The following TRPC4 variants were observed in gnomAD, a reference collection of about 807,000 sequenced individuals.
TRPC4 encodes the protein transient receptor potential cation channel subfamily C member 4.
Under a neutral mutation model 99.4 loss-of-function variants are expected in TRPC4, and 49 were observed. The observed-to-expected ratio is 0.49, with a 90% CI of 0.39 to 0.63. The LOEUF (loss-of-function observed/expected upper bound fraction) is 0.63, where lower values mean the gene tolerates loss of function less well. Ranked by LOEUF, TRPC4 falls within the 20% of genes least tolerant of loss-of-function variation. TRPC4 has a pLI of 0.00. For missense variants in TRPC4, 898 were observed against 1,152.9 expected (o/e 0.78, Z 3.20); for synonymous variants, 454 against 425.9 (o/e 1.07, Z -0.81).
intron 2 of TRPC4, among the ~76,000 whole-genome samples, chr13:37,755,934 A>G (rs1361048223): frequency 6.6e-6 from 1 of 152,116 alleles, no homozygotes; most frequent in Non-Finnish European, 1.5e-5. Context: ...TGTGTTTAGC[A>G]TCATTGTTTT....
chr13:37,846,276 A>G (rs1958896017), intron 1 of TRPC4, among the ~76,000 whole-genome samples: 1 of 152,182 alleles, frequency 6.6e-6, no homozygotes, highest in Non-Finnish European at 1.5e-5. Context: ...ATATGTGGTC[A>G]TACTCAGAAT....
At chr13:37,775,462 C>T (rs1333370) in intron 2 of TRPC4, among the ~76,000 whole-genome samples, 67,577 of 149,748 alleles carry the variant, frequency 0.45, 15,558 homozygotes, top group Middle Eastern at 0.51. Flanking sequence ...GTTTGTTACA[C>T]AGGTAAACGT....
intron 3 of TRPC4, among the ~76,000 whole-genome samples, chr13:37,708,801 A>G (rs1307956359): frequency 1.3e-5 from 2 of 151,416 alleles, no homozygotes; most frequent in African/African-American, 4.8e-5. Context: ...TTGAAAGTAA[A>G]AAGTAAAAGT....
chr13:37,641,153 T>G (rs1249512144), intron 8 of TRPC4, among the ~76,000 whole-genome samples: 2 of 152,154 alleles, frequency 1.3e-5, no homozygotes, highest in Non-Finnish European at 2.9e-5. Context: ...TTCAGTAGAA[T>G]CTTACTCATC....
chr13:37,645,662 A>T (rs1037147055), intron 8 of TRPC4, among the ~76,000 whole-genome samples: 6 of 152,178 alleles, frequency 3.9e-5, no homozygotes, highest in Non-Finnish European at 7.4e-5. Context: ...TTACAAAAAA[A>T]TTGCAGTTTG....
intron 1 of TRPC4, among the ~76,000 whole-genome samples, chr13:37,816,974 C>G (rs1329801967): frequency 1.3e-5 from 2 of 152,028 alleles, no homozygotes; most frequent in Non-Finnish European, 1.5e-5. Context: ...GACAAGGATG[C>G]CTTCTCTCAC....
chr13:37,664,642 G>A (rs1952576348), intron 5 of TRPC4, among the ~76,000 whole-genome samples: 1 of 152,072 alleles, frequency 6.6e-6, no homozygotes, highest in Non-Finnish European at 1.5e-5. Context: ...AATTAAATCT[G>A]TATTAGAACT....
chr13:37,733,811 A>G (rs1955312935), intron 3 of TRPC4, among the ~76,000 whole-genome samples: 1 of 152,200 alleles, frequency 6.6e-6, no homozygotes, highest in Non-Finnish European at 1.5e-5. Context: ...TGACACTTAG[A>G]TACGGGTGGA....
At chr13:37,817,669 G>T (rs778907107) in intron 1 of TRPC4, among the ~76,000 whole-genome samples, 6 of 151,802 alleles carry the variant, frequency 4.0e-5, no homozygotes, top group Non-Finnish European at 8.8e-5. Context: ...AAACAGCATA[G>T]TACTGCTACA....
At chr13:37,675,832 C>A (rs1335308048) in intron 4 of TRPC4, among the ~76,000 whole-genome samples, 1 of 152,148 alleles carries the variant, frequency 6.6e-6, no homozygotes. Context: ...AGTTTTCCTG[C>A]CCTCCATCAC....
At chr13:37,780,724 C>T (rs1180503887) in intron 2 of TRPC4, among the ~76,000 whole-genome samples, 1 of 151,022 alleles carries the variant, frequency 6.6e-6, no homozygotes, top group Non-Finnish European at 1.5e-5. Flanking sequence ...TCTTTGTGTG[C>T]TATGCACGTT....
intron 1 of TRPC4, among the ~76,000 whole-genome samples, chr13:37,858,559 T>C (rs541281705): frequency 6.6e-6 from 1 of 151,666 alleles, no homozygotes; most frequent in African/African-American, 2.4e-5. Flanking sequence ...ATAAAGAAAA[T>C]GTGGTACATA....
rs1019718422 is a variant in TRPC4, at chr13:37,803,412, AT to A, written c.-27-20053del. ...ACTCACCCACATATAGAGACACATTATTTTTTTTCCCATCTATTTGTGCACA... is the reference window on the plus strand; with the variant it reads ...ACTCACCCACATATAGAGACACATTATTTTTTTCCCATCTATTTGTGCACA... On this transcript the variant is annotated intron_variant, in intron 1 of 10. Transcript: ENST00000379705. Among the ~76,000 whole-genome samples, 920 of 151,590 alleles carry A rather than the reference AT, an allele frequency of 6.1e-3. 11 individuals are homozygous for A. The highest frequency in any genetic ancestry group is 0.018 in the African/African-American group (761 of 41,142).
intron 3 of TRPC4, among the ~76,000 whole-genome samples, chr13:37,702,225 C>T (rs534893748): frequency 2.6e-5 from 4 of 152,290 alleles, no homozygotes; most frequent in East Asian, 1.9e-4. Context: ...GTCTGTCCCA[C>T]TCCAGAATGA....
chr13:37,639,382 G>A (rs1276647113), intron 8 of TRPC4, 83 bp from the exon 9 acceptor site: 11 of 1,404,222 alleles, frequency 7.8e-6, no homozygotes, highest in Non-Finnish European at 1.1e-5. Context: ...AATCGATAAT[G>A]TTTTTATTCT....
chr13:37,853,959 T>C lies in TRPC4; in HGVS notation c.-28+15636A>G, dbSNP rs567944372. ...AATAGCCTCAAAAGGGTAAATCTAA[T>C]GGATATTGGCCTTAAAGAGGAAGTA... is the stretch of plus-strand genomic sequence containing the variant. On this transcript the variant is annotated intron_variant, in intron 1 of 10. Coordinates refer to ENST00000379705, the MANE Select transcript of TRPC4 (RefSeq NM_016179.4). 2.6e-5 allele frequency among the ~76,000 whole-genome samples: 4 copies of C among 152,148 alleles called. No homozygotes were observed. In the East Asian group the frequency reaches 5.8e-4, roughly 22 times the overall value.
intron 1 of TRPC4, among the ~76,000 whole-genome samples, chr13:37,846,641 G>C (rs566025259): frequency 1.9e-3 from 104 of 53,464 alleles, no homozygotes; most frequent in African/African-American, 7.2e-3. Flanking sequence ...GACAGAAAGA[G>C]AGGAAGAAAA....
chr13:37,745,542 A>ATATGTATATATACG (rs1455870919), intron 3 of TRPC4, among the ~76,000 whole-genome samples: 2 of 106,496 alleles, frequency 1.9e-5, no homozygotes, highest in Admixed American at 2.2e-4. Flanking sequence ...ATATACGTAT[A>ATATGTATATATACG]TATATATATA....
intron 8 of TRPC4, among the ~76,000 whole-genome samples, chr13:37,649,746 A>C (rs1430437338): frequency 1.4e-5 from 2 of 145,874 alleles, no homozygotes; most frequent in Non-Finnish European, 3.1e-5. Flanking sequence ...AAAAAAAAAA[A>C]AAAAAAAAAA....
Sources: allele counts gnomAD v4.1 joint callset (sites outside exome capture counted in the v4.1 genomes callset), GRCh38; gene constraint gnomAD v4.1.1; transcripts MANE v1.5; gene names NCBI Gene and HGNC (gene_info 2026-07-23, HGNC 2026-07-21).